Variants in CDH13 observed in about 807,000 individuals in gnomAD.
CDH13 encodes cadherin 13.
Under a neutral mutation model 63.8 loss-of-function variants are expected in CDH13, and 24 were observed. The observed-to-expected ratio is 0.38, with a 90% CI of 0.27 to 0.53. The LOEUF (loss-of-function observed/expected upper bound fraction) is 0.53, where lower values mean the gene tolerates loss of function less well. Among genes scored for constraint, CDH13 ranks in the 20% least tolerant of loss-of-function variants. CDH13 has a pLI of 0.85. For missense variants in CDH13, 1,049 were observed against 903.1 expected, an observed-to-expected ratio of 1.16 and a Z score of -2.07; for synonymous variants, 503 against 355.3, an observed-to-expected ratio of 1.42 and a Z score of -4.67.
At chr16:83,198,789 C>A (rs187851626) in intron 4 of CDH13, among the ~76,000 whole-genome samples, 1 of 152,174 alleles carries the variant, frequency 6.6e-6, no homozygotes. Flanking sequence ...GGTACCCAAC[C>A]AGTATTAATA....
At chr16:83,445,734 A>C (rs184122706) in intron 6 of CDH13, among the ~76,000 whole-genome samples, 1 of 152,328 alleles carries the variant, frequency 6.6e-6, no homozygotes, top group Non-Finnish European at 1.5e-5. Flanking sequence ...AGATTTCCAG[A>C]ATTCAGTTAG....
intron 1 of CDH13, among the ~76,000 whole-genome samples, chr16:82,700,479 A>G (rs984709774): frequency 6.6e-6 from 1 of 151,990 alleles, no homozygotes; most frequent in Admixed American, 6.6e-5. Context: ...TAATAAAGTC[A>G]AACTTTATTA....
At chr16:82,901,875 A>G (rs556887182) in intron 2 of CDH13, among the ~76,000 whole-genome samples, 5 of 152,332 alleles carry the variant, frequency 3.3e-5, no homozygotes, top group East Asian at 1.9e-4. Flanking sequence ...CATGCCTTCC[A>G]TCAGTAGAGC....
rs991320229 is a variant in CDH13 at position 82,639,407 on chromosome 16, C to G, written c.45+12270C>G. On this transcript the variant is annotated intron_variant, in intron 1 of 13. Transcript: ENST00000567109. ...GCATGGTTCCCCCAGCAAGAACATCCCAGTGAGAATGGCCCACAGATGCCT... is the reference window on the plus strand; with the variant it reads ...GCATGGTTCCCCCAGCAAGAACATCGCAGTGAGAATGGCCCACAGATGCCT... 31 of 1,535,464 alleles carry G rather than the reference C, an allele frequency of 2.0e-5. No homozygotes were observed. The African/African-American group carries it at 3.7e-4, about 18-fold the overall frequency.
intron 3 of CDH13, among the ~76,000 whole-genome samples, chr16:83,054,353 C>T (rs567657420): frequency 9.2e-5 from 14 of 152,082 alleles, no homozygotes; most frequent in Non-Finnish European, 2.1e-4. Context: ...CAGTAATATG[C>T]CAGCATCACT....
intron 8 of CDH13, among the ~76,000 whole-genome samples, chr16:83,648,944 G>C (rs527276483): frequency 3.3e-5 from 5 of 151,896 alleles, no homozygotes; most frequent in African/African-American, 1.2e-4. Flanking sequence ...TAGCTTCCCC[G>C]CAACACACAT....
intron 10 of CDH13, among the ~76,000 whole-genome samples, chr16:83,682,957 C>T (rs991985245): frequency 2.2e-4 from 33 of 152,160 alleles, no homozygotes; most frequent in African/African-American, 7.2e-4. Context: ...AACTTAGGAA[C>T]GCACTTCCAG....
intron 13 of CDH13, among the ~76,000 whole-genome samples, chr16:83,790,459 G>C (rs1916184279): frequency 6.6e-6 from 1 of 152,144 alleles, no homozygotes. Context: ...GAGTGCAGTG[G>C]CATGGTCTCT....
At chr16:83,380,676 GA>G (rs1363160044) in intron 6 of CDH13, among the ~76,000 whole-genome samples, 1 of 152,064 alleles carries the variant, frequency 6.6e-6, no homozygotes, top group Admixed American at 6.5e-5. Flanking sequence ...TGGCTGATTG[GA>G]GCTCCAGCCT....
At chr16:83,167,594 C>G (rs1199726284) in intron 4 of CDH13, among the ~76,000 whole-genome samples, 2 of 149,830 alleles carry the variant, frequency 1.3e-5, no homozygotes, top group African/African-American at 4.9e-5. Flanking sequence ...GGATGTTTTG[C>G]TAAATCTTTC....
At chr16:83,200,527 C>T (rs896471388) in intron 4 of CDH13, among the ~76,000 whole-genome samples, 2 of 152,186 alleles carry the variant, frequency 1.3e-5, no homozygotes, top group African/African-American at 2.4e-5. Context: ...CACGTAGCCT[C>T]TATCCATCCC....
intron 13 of CDH13, among the ~76,000 whole-genome samples, chr16:83,794,380 C>G (rs1296113939): frequency 2.6e-5 from 4 of 151,884 alleles, no homozygotes; most frequent in Non-Finnish European, 5.9e-5. Flanking sequence ...TGGCGAAACT[C>G]CATCTCTATA....
At chr16:83,028,905 T>C (rs1246713115) in intron 2 of CDH13, among the ~76,000 whole-genome samples, 1 of 152,166 alleles carries the variant, frequency 6.6e-6, no homozygotes, top group African/African-American at 2.4e-5. Flanking sequence ...GGGTATTGTC[T>C]TTATTGAAAA....
intron 5 of CDH13, among the ~76,000 whole-genome samples, chr16:83,285,944 C>T (rs559980171): frequency 7.2e-5 from 11 of 152,262 alleles, no homozygotes; most frequent in Admixed American, 1.3e-4. Context: ...GGAGCGTGGG[C>T]GAACTGGAGG....
At chr16:82,958,437 T>A (rs1906455911) in intron 2 of CDH13, among the ~76,000 whole-genome samples, 1 of 152,166 alleles carries the variant, frequency 6.6e-6, no homozygotes, top group Admixed American at 6.5e-5. Flanking sequence ...CCAGTGATGG[T>A]CCAGTGTCAG....
At chr16:83,366,355 C>T (rs569410748) in intron 6 of CDH13, among the ~76,000 whole-genome samples, 3 of 152,292 alleles carry the variant, frequency 2.0e-5, no homozygotes, top group South Asian at 4.1e-4. Context: ...TTTTGGTATG[C>T]GTGCGATGCC....
chr16:83,659,863 T>A (rs994916275), intron 8 of CDH13, among the ~76,000 whole-genome samples: 1 of 148,970 alleles, frequency 6.7e-6, no homozygotes. Context: ...CTTGGCTCAC[T>A]GCAACCTCCA....
At position 83,708,362 on chromosome 16, in the gene CDH13, G is replaced by A. The variant is rs551450241; in HGVS notation, c.1538+29901G>A. On this transcript the variant is annotated intron_variant, in intron 10 of 13. Coordinates refer to ENST00000567109, the MANE Select transcript of CDH13 (RefSeq NM_001257.5). ...CCTCATTATAATGGCATTAGCCAGAGGAGGTAGCATGGTGGTTCAGGTTTC... is the reference window on the plus strand; with the variant it reads ...CCTCATTATAATGGCATTAGCCAGAAGAGGTAGCATGGTGGTTCAGGTTTC... 2.6e-5 allele frequency among the ~76,000 whole-genome samples: 4 copies of A among 152,346 alleles called. No homozygotes were observed. In the East Asian group the frequency reaches 7.7e-4, roughly 29 times the overall value.
At chr16:82,757,901 G>A (rs140145908) in intron 1 of CDH13, among the ~76,000 whole-genome samples, 6 of 152,144 alleles carry the variant, frequency 3.9e-5, no homozygotes, top group Admixed American at 6.5e-5. Flanking sequence ...CGCCCGCCTC[G>A]GCCTCCCAAA....
Sources: allele counts gnomAD v4.1 joint callset (sites outside exome capture counted in the v4.1 genomes callset), GRCh38; gene constraint gnomAD v4.1.1; transcripts MANE v1.5; gene names NCBI Gene and HGNC (gene_info 2026-07-23, HGNC 2026-07-21).